PDE9A: variants seen among roughly 807,000 people sequenced by gnomAD.
The protein encoded by PDE9A is phosphodiesterase 9A.
A neutral mutation model predicts 87.4 loss-of-function variants in PDE9A; 60 were observed. The observed-to-expected ratio is 0.69, with a 90% confidence interval of 0.56 to 0.85. The LOEUF (loss-of-function observed/expected upper bound fraction) is 0.85. Ranked by LOEUF, PDE9A falls within the 40% of genes least tolerant of loss-of-function variation. The pLI, the probability that PDE9A is intolerant of heterozygous loss-of-function variation, is 0.00. For missense variants in PDE9A, 665 were observed against 779.0 expected, an observed-to-expected ratio of 0.85 and a Z score of 1.74; for synonymous variants, 272 against 279.4, an observed-to-expected ratio of 0.97 and a Z score of 0.27.
At chr21:42,728,409 G>A (rs1294090584) in intron 4 of PDE9A, among the ~76,000 whole-genome samples, 1 of 152,204 alleles carries the variant, frequency 6.6e-6, no homozygotes, top group Non-Finnish European at 1.5e-5. Context: ...TCATGAACAT[G>A]TGTTGAATTT....
chr21:42,733,333 T>G (rs2052036535), intron 6 of PDE9A, 23 bp from the exon 7 acceptor site: 1 of 1,425,792 alleles, frequency 7.0e-7, no homozygotes, highest in Admixed American at 1.7e-5. Flanking sequence ...ATATTTACTC[T>G]CTCTTTTCTT....
chr21:42,655,091 C>A (rs2056949130), intron 1 of PDE9A, among the ~76,000 whole-genome samples: 1 of 152,048 alleles, frequency 6.6e-6, no homozygotes, highest in African/African-American at 2.4e-5. Context: ...TGTCACTGCA[C>A]CAGCATGCAC....
intron 4 of PDE9A, among the ~76,000 whole-genome samples, chr21:42,727,830 C>G (rs1417546549): frequency 6.6e-6 from 1 of 152,134 alleles, no homozygotes; most frequent in Non-Finnish European, 1.5e-5. Context: ...ATGTCATTGG[C>G]AAACAAGGAC....
intron 17 of PDE9A, 25 bp from the exon 18 acceptor site, chr21:42,770,678 G>A (rs1569282539): frequency 1.3e-6 from 2 of 1,577,500 alleles, no homozygotes. Flanking sequence ...GAGGGACTCT[G>A]AATAAATCCG....
At chr21:42,658,248 C>T (rs1039242931) in intron 1 of PDE9A, among the ~76,000 whole-genome samples, 2 of 152,328 alleles carry the variant, frequency 1.3e-5, no homozygotes, top group Non-Finnish European at 2.9e-5. Context: ...AGGTCCTCCC[C>T]GCAGTGCTTG....
intron 7 of PDE9A, chr21:42,734,404 C>T (rs1327708866): frequency 6.6e-6 from 1 of 152,224 alleles, no homozygotes; most frequent in Non-Finnish European, 1.5e-5. Context: ...CTGTGTTCCA[C>T]TCACAGCTTG....
At chr21:42,768,563 C>T in intron 16 of PDE9A, 1 of 985,380 alleles carries the variant, frequency 1.0e-6, no homozygotes, top group Non-Finnish European at 1.2e-6. Context: ...GCAGCCTTGT[C>T]AAACAAATTG....
chr21:42,719,757 C>T (rs1420088944), intron 4 of PDE9A, among the ~76,000 whole-genome samples: 1 of 151,836 alleles, frequency 6.6e-6, no homozygotes, highest in East Asian at 1.9e-4. Context: ...TGCTTCCAGT[C>T]TTGTTTTTAC....
chr21:42,701,052 A>G (rs2048342017), intron 4 of PDE9A: 1 of 152,250 alleles, frequency 6.6e-6, no homozygotes, highest in South Asian at 2.1e-4. Context: ...CCAATGTGGG[A>G]AGAATTAATA....
chr21:42,679,294 C>A (rs1157572883), intron 1 of PDE9A, among the ~76,000 whole-genome samples: 1 of 152,214 alleles, frequency 6.6e-6, no homozygotes, highest in Admixed American at 6.5e-5. Context: ...AGTATGATTT[C>A]CACTCGGAAC....
rs1360819151 is a variant in PDE9A, at chr21:42,696,972, A to G, written c.219-1996A>G. Among the ~76,000 whole-genome samples, 1 of 152,186 alleles carries G rather than the reference A, an allele frequency of 6.6e-6. No individual in the cohort carries two copies. On this transcript the variant is annotated intron_variant, in intron 3 of 19. Coordinates refer to ENST00000291539, the MANE Select transcript of PDE9A (RefSeq NM_002606.3). This position sits in a 1 kb window ranked among gnomAD's most constrained non-coding sequence, Gnocchi z 5.1. ...CTTATGACCAAGTCTCTGGGGAGAA[A>G]TGAGCCCTCCAGTGCCAAATGACCC...
rs1288805251 is a variant in PDE9A at position 42,696,470 on chromosome 21, G to A, written c.219-2498G>A. Among the ~76,000 whole-genome samples the A allele has an allele frequency of 6.6e-6, 1 of 152,228 alleles. No homozygotes were observed. Among genetic ancestry groups the A allele is most frequent in the African/African-American group, 2.4e-5 (1 of 41,462 alleles). On this transcript the variant is annotated intron_variant, in intron 3 of 19. Transcript: ENST00000291539. This position sits in a 1 kb window ranked among gnomAD's most constrained non-coding sequence, Gnocchi z 5.1. Reference sequence around the variant, plus strand: ...GAAGACACAGGAGAAGAAAGTCGGAGAGGAGTGGGGAGCCAGGGTGGCAAA... The same window carrying A: ...GAAGACACAGGAGAAGAAAGTCGGAAAGGAGTGGGGAGCCAGGGTGGCAAA...
In PDE9A at chr21:42,716,873, C is replaced by T. The variant is rs142859269; in HGVS notation, c.263-14897C>T. Among the ~76,000 whole-genome samples the T allele has an allele frequency of 2.9e-3, 431 of 150,018 alleles. 7 individuals carry two copies. Among genetic ancestry groups the T allele is most frequent in the Non-Finnish European group, 4.4e-3 (297 of 67,470 alleles). ...TCAAGCGATTCTCCTGCCTCAGCCTCCCGAGTAGCTGGGATTACAGATGTG... is the reference window on the plus strand; with the variant it reads ...TCAAGCGATTCTCCTGCCTCAGCCTTCCGAGTAGCTGGGATTACAGATGTG... On this transcript the variant is annotated intron_variant, in intron 4 of 19. Coordinates refer to ENST00000291539, the MANE Select transcript of PDE9A (RefSeq NM_002606.3).
In PDE9A at chr21:42,704,867, C is replaced by G. The variant is rs554066464; in HGVS notation, c.262+5856C>G. On this transcript the variant is annotated intron_variant, in intron 4 of 19. Coordinates refer to ENST00000291539, the MANE Select transcript of PDE9A (RefSeq NM_002606.3). This position sits in a 1 kb window ranked among gnomAD's most constrained non-coding sequence, Gnocchi z 5.3. ...AGCAGGTTTCAGTAAATGCCTCTAACGGGCCCGGTGGAACTGTGCAATGCA... is the reference window on the plus strand; with the variant it reads ...AGCAGGTTTCAGTAAATGCCTCTAAGGGGCCCGGTGGAACTGTGCAATGCA... Among the ~76,000 whole-genome samples, 1 of 152,228 alleles carries G rather than the reference C, an allele frequency of 6.6e-6. No homozygotes were observed. The highest frequency in any genetic ancestry group is 2.1e-4 in the South Asian group (1 of 4,832).
intron 7 of PDE9A, among the ~76,000 whole-genome samples, chr21:42,735,166 T>G (rs978134731): frequency 4.6e-5 from 7 of 152,230 alleles, no homozygotes; most frequent in African/African-American, 1.7e-4. Flanking sequence ...GAGCTGATGC[T>G]GTGCGGATGC....
chr21:42,683,257 G>T (rs2059265708), intron 1 of PDE9A, among the ~76,000 whole-genome samples: 1 of 152,172 alleles, frequency 6.6e-6, no homozygotes. Flanking sequence ...CACTGGCAGG[G>T]TCTGAATATC....
intron 4 of PDE9A, among the ~76,000 whole-genome samples, chr21:42,726,647 G>T (rs2051145516): frequency 9.9e-5 from 2 of 20,266 alleles, no homozygotes; most frequent in Admixed American, 4.8e-4. Flanking sequence ...TTTTTGTAGA[G>T]ATGGAGATCT....
At chr21:42,717,633 C>G (rs1299838802) in intron 4 of PDE9A, among the ~76,000 whole-genome samples, 2 of 151,428 alleles carry the variant, frequency 1.3e-5, no homozygotes, top group East Asian at 3.9e-4. Flanking sequence ...CTCAGGTGAT[C>G]CACCCACCTC....
chr21:42,711,533 G>A (rs901933855), intron 4 of PDE9A, among the ~76,000 whole-genome samples: 8 of 151,976 alleles, frequency 5.3e-5, no homozygotes, highest in African/African-American at 1.7e-4. Flanking sequence ...CACCGCACCA[G>A]GCCCCCCAAA....
Sources: allele counts gnomAD v4.1 joint callset (sites outside exome capture counted in the v4.1 genomes callset), GRCh38; gene constraint gnomAD v4.1.1; non-coding constraint Gnocchi (gnomAD v3.1); transcripts MANE v1.5; gene names NCBI Gene and HGNC (gene_info 2026-07-23, HGNC 2026-07-21).